Variants in PLAT observed in about 807,000 individuals in gnomAD.
PLAT encodes the protein plasminogen activator, tissue type.
PLAT carries 48 observed loss-of-function variants against 74.9 expected under a neutral mutation model. The observed-to-expected ratio is 0.64, with a 90% CI of 0.51 to 0.82. The LOEUF is 0.82. Ranked by LOEUF, PLAT falls within the 40% of genes least tolerant of loss-of-function variation. The pLI is 0.00. For synonymous variants in PLAT, 307 were observed against 294.4 expected (o/e 1.04, Z -0.44); for missense variants, 673 against 736.2 (o/e 0.91, Z 0.99).
intron 3 of PLAT, among the ~76,000 whole-genome samples, 169 bp downstream of exon 3, chr8:42,191,203 G>C (rs1032647134): frequency 6.6e-6 from 1 of 152,204 alleles, no homozygotes; most frequent in African/African-American, 2.4e-5. Flanking sequence ...GCAGCTGATG[G>C]GAGAATGGTG....
At chr8:42,198,514 G>C (rs1178766497) in intron 1 of PLAT, among the ~76,000 whole-genome samples, 1 of 152,172 alleles carries the variant, frequency 6.6e-6, no homozygotes, top group African/African-American at 2.4e-5. Flanking sequence ...AAAGTGACTT[G>C]CAATAAAGGA....
At chr8:42,193,584 A>G (rs1481038410) in intron 1 of PLAT, 2 of 209,796 alleles carry the variant, frequency 9.5e-6, no homozygotes, top group East Asian at 1.1e-4. Context: ...CCACGCTGCT[A>G]CTTTCTGTCT....
chr8:42,182,334 C>G, intron 8 of PLAT: 1 of 348,462 alleles, frequency 2.9e-6, no homozygotes, highest in South Asian at 2.8e-5. Context: ...AGCACACCCC[C>G]ACCCTAGGAG....
chr8:42,198,105 G>T (rs1805984978), intron 1 of PLAT, among the ~76,000 whole-genome samples: 1 of 152,192 alleles, frequency 6.6e-6, no homozygotes, highest in Admixed American at 6.5e-5. Flanking sequence ...GGCCAGGGTG[G>T]GAGGATCACT....
rs1804899355 is a variant in PLAT at position 42,174,777 on chromosome 8, A to G, written c.*1216T>C. On this transcript the variant is annotated 3_prime_UTR_variant, in exon 14 of 14. Transcript: ENST00000220809. ...TCAGAGCCCCCATAATCTAAATTCC[A>G]GCCTATGTTCCTCTTCCTGAAGTTC... is the stretch of plus-strand genomic sequence containing the variant. 6.6e-6 allele frequency among the ~76,000 whole-genome samples: 1 copy of G among 152,058 alleles called. No homozygotes were observed. The highest frequency in any genetic ancestry group is 1.5e-5 in the Non-Finnish European group (1 of 68,030).
At chr8:42,205,054 T>C (rs1210906587) in intron 1 of PLAT, among the ~76,000 whole-genome samples, 1 of 152,110 alleles carries the variant, frequency 6.6e-6, no homozygotes, top group Non-Finnish European at 1.5e-5. Context: ...TCTCTCACAA[T>C]TTACCCACAA....
intron 6 of PLAT, 46 bp downstream of exon 6, chr8:42,187,352 A>G (rs773414793): frequency 2.0e-6 from 3 of 1,485,480 alleles, no homozygotes; most frequent in Non-Finnish European, 2.7e-6. Context: ...CCCCAGCTGT[A>G]GCAGCTTCTC....
chr8:42,187,325 G>A (rs937475712), intron 6 of PLAT, 73 bp downstream of exon 6: 10 of 1,351,258 alleles, frequency 7.4e-6, no homozygotes, highest in South Asian at 5.7e-5. Flanking sequence ...AACCCTGACG[G>A]ATCTGACAGA....
At chr8:42,189,853 T>C (rs536314638) in intron 3 of PLAT, among the ~76,000 whole-genome samples, 9 of 151,412 alleles carry the variant, frequency 5.9e-5, no homozygotes, top group African/African-American at 2.2e-4. Flanking sequence ...CCCACCTCGG[T>C]CTCCCAAAGT....
At chr8:42,193,911 T>C (rs1362561474) in intron 1 of PLAT, among the ~76,000 whole-genome samples, 1 of 152,082 alleles carries the variant, frequency 6.6e-6, no homozygotes, top group African/African-American at 2.4e-5. Flanking sequence ...AGACGGGGTT[T>C]CACCGTGTTA....
intron 5 of PLAT, 151 bp from the exon 6 acceptor site, chr8:42,187,723 CAGGGTCACACCT>C (rs1343423323): frequency 1.2e-6 from 1 of 815,586 alleles, no homozygotes; most frequent in Non-Finnish European, 1.9e-6. Context: ...AGCCTGGATT[CAGGGTCACACCT>C]AGGCTCTGCT....
intron 2 of PLAT, 129 bp from the exon 3 acceptor site, chr8:42,191,543 C>G (rs749496575): frequency 1.3e-6 from 1 of 762,648 alleles, no homozygotes; most frequent in Non-Finnish European, 2.3e-6. Context: ...CCTCGGGTAA[C>G]TGGCCCAAGT....
chr8:42,185,273 GC>G, intron 6 of PLAT, 101 bp from the exon 7 acceptor site: 1 of 621,594 alleles, frequency 1.6e-6, no homozygotes, highest in Non-Finnish European at 2.7e-6. Context: ...AATGGGGGGT[GC>G]TTTTTTTTTT....
chr8:42,187,270 C>T, intron 6 of PLAT, 128 bp downstream of exon 6: 1 of 671,556 alleles, frequency 1.5e-6, no homozygotes, highest in Non-Finnish European at 2.4e-6. Flanking sequence ...ATCTGTCTAT[C>T]ATCTATCCAT....
chr8:42,193,244 G>C (rs1476234200), intron 1 of PLAT, 33 bp from the exon 2 acceptor site: 1 of 1,366,812 alleles, frequency 7.3e-7, no homozygotes, highest in Non-Finnish European at 1.0e-6. Flanking sequence ...TTGATCACGG[G>C]GTGCGAGAGG....
In PLAT at chr8:42,180,003, A is replaced by G. The variant is rs1805154894; in HGVS notation, c.1286T>C (p.Val429Ala). The G allele has an allele frequency of 6.2e-7, 1 of 1,610,002 alleles. No individual in the cohort carries two copies. The highest frequency in any genetic ancestry group is 2.2e-5 in the East Asian group (1 of 44,776). Residue 429 changes from valine (V) to alanine (A), a missense_variant, in exon 12 of 14, where the codon GTG (valine) becomes GCG (alanine). Val to Ala is a moderately conservative substitution (Grantham distance 64, BLOSUM62 0). Transcript: ENST00000220809. The stretch of plus-strand genomic sequence containing the variant: ...CTGCAGGTCCGCCGGGGGAAGGCAC[A>G]CAGTGCGGACCACGCTGCTCTCCTG... ...CAQESSVVRT[V>A]CLPPADLQLP...
Position 42,182,767 on chromosome 8 carries a change from T to G in PLAT, c.755A>C (p.Gln252Pro), listed in dbSNP as rs769405528. 2 of 1,613,630 alleles carry G rather than the reference T, an allele frequency of 1.2e-6. No homozygotes were observed. The highest frequency in any genetic ancestry group is 1.7e-6 in the Non-Finnish European group (2 of 1,179,696). Residue 252 changes from glutamine (Q) to proline (P), a missense_variant, in exon 8 of 14, where the codon CAG becomes CCG. Gln to Pro is a moderately conservative substitution (Grantham distance 76). Transcript: ENST00000220809. ...MILIGKVYTA[Q>P]NPSAQALGLG... ...GCCCAGTGCCTGGGCACTGGGGTTC[T>G]GTGCTGTGTAAACCTTGCCTATCAG...
intron 1 of PLAT, among the ~76,000 whole-genome samples, chr8:42,200,121 C>T (rs1215845100): frequency 6.6e-6 from 1 of 152,200 alleles, no homozygotes; most frequent in African/African-American, 2.4e-5. Context: ...GCCACTCACT[C>T]AACAGATATT....
chr8:42,200,780 A>G (rs79896018), intron 1 of PLAT, among the ~76,000 whole-genome samples: 4,651 of 151,086 alleles, frequency 0.031, 230 homozygotes, highest in African/African-American at 0.11. Flanking sequence ...CTTACCCCAA[A>G]TCTAACACTC....
Sources: gnomAD v4.1 joint callset for allele counts (sites outside exome capture counted in the v4.1 genomes callset) on GRCh38, gnomAD v4.1.1 for gene constraint, MANE v1.5 for transcripts, NCBI Gene and HGNC (gene_info 2026-07-23, HGNC 2026-07-21) for gene names.